MACF1: variants seen among roughly 807,000 people sequenced by gnomAD.
MACF1 encodes microtubule-actin cross-linking factor 1.
A neutral mutation model predicts 854.8 loss-of-function variants in MACF1; 193 were observed. That is an observed-to-expected ratio of 0.23 (90% CI 0.20 to 0.25). MACF1 has a LOEUF of 0.25. Ranked by LOEUF, MACF1 falls within the 10% of genes least tolerant of loss-of-function variation. The pLI is 1.00. For synonymous variants in MACF1, 3,185 were observed against 3,226.7 expected, an observed-to-expected ratio of 0.99 and a Z score of 0.44; for missense variants, 7,722 against 8,929.1, an observed-to-expected ratio of 0.86 and a Z score of 5.45.
intron 6 of MACF1, among the ~76,000 whole-genome samples, chr1:39,259,816 C>G (rs551469756): frequency 1.3e-5 from 2 of 152,052 alleles, no homozygotes; most frequent in East Asian, 3.9e-4. Flanking sequence ...CAGGGTTTCT[C>G]CATGTTGGTC....
chr1:39,336,486 A>C lies in MACF1; in HGVS notation c.9898A>C (p.Ser3300Arg). The C allele has an allele frequency of 6.2e-7, 1 of 1,614,220 alleles. No individual in the cohort carries two copies. Among genetic ancestry groups the C allele is most frequent in the Non-Finnish European group, 8.5e-7 (1 of 1,180,036 alleles). The change falls in exon 37 of 101, where the codon AGT becomes CGT. Residue 3300 changes from serine (S) to arginine (R), a missense_variant. This residue lies in a region of MACF1 where 854 missense variants were observed against 852.6 expected (regional missense o/e 1.00). Transcript: ENST00000564288. ...CATTAGTCCTACTGTTCTAGAGACC[A>C]GTGAAGAAAAGACAGTGTCCCTAAC... ...AIISPTVLET[S>R]EEKTVSLTVC...
chr1:39,323,336 A>T (rs1009722060), intron 33 of MACF1, among the ~76,000 whole-genome samples: 1 of 152,030 alleles, frequency 6.6e-6, no homozygotes, highest in East Asian at 1.9e-4. Flanking sequence ...CTGTCTCAAA[A>T]AAAAGCCCAA....
At chr1:39,085,517 T>C (rs1641649202) in intron 2 of MACF1, among the ~76,000 whole-genome samples, 1 of 152,186 alleles carries the variant, frequency 6.6e-6, no homozygotes, top group Non-Finnish European at 1.5e-5. Flanking sequence ...ACCTGGACCT[T>C]CCAATGAGCA....
chr1:39,136,064 T>TAC (rs1292600458), intron 2 of MACF1, among the ~76,000 whole-genome samples: 1 of 152,164 alleles, frequency 6.6e-6, no homozygotes, highest in East Asian at 1.9e-4. Context: ...CATACATATG[T>TAC]ACACACACAC....
At chr1:39,393,339 C>T (rs984247783) in intron 58 of MACF1, among the ~76,000 whole-genome samples, 3 of 151,570 alleles carry the variant, frequency 2.0e-5, no homozygotes, top group African/African-American at 7.3e-5. Context: ...GCCCCCTGCT[C>T]CCCGCAAGAA....
intron 46 of MACF1, 22 bp from the exon 47 acceptor site, chr1:39,359,119 T>C: frequency 6.2e-7 from 1 of 1,613,732 alleles, no homozygotes; most frequent in Non-Finnish European, 8.5e-7. Flanking sequence ...GTTTTTCTTT[T>C]GTTTTTTTCA....
At chr1:39,155,230 G>A (rs1643659726) in intron 2 of MACF1, among the ~76,000 whole-genome samples, 1 of 152,044 alleles carries the variant, frequency 6.6e-6, no homozygotes, top group Non-Finnish European at 1.5e-5. Context: ...AAACATCCTT[G>A]TTTTTGTTTA....
Position 39,318,439 on chromosome 1 carries a change from CT to C in MACF1, c.3783-11del. The C allele has an allele frequency of 6.2e-7, 1 of 1,611,694 alleles. No homozygotes were observed. Among genetic ancestry groups the C allele is most frequent in the Non-Finnish European group, 8.5e-7 (1 of 1,178,878 alleles). ...ACCAAGGTATCTGATAGCAGTTTCCCTTTGTTCTTCTAGCCAATCTGAGCTA... is the reference window on the plus strand; with the variant it reads ...ACCAAGGTATCTGATAGCAGTTTCCCTTGTTCTTCTAGCCAATCTGAGCTA... On this transcript the variant is annotated splice_polypyrimidine_tract_variant and intron_variant, in intron 29 of 100. Coordinates refer to ENST00000564288, the MANE Select transcript of MACF1 (RefSeq NM_001394062.1).
At chr1:39,085,898 T>C (rs961298960) in intron 2 of MACF1, among the ~76,000 whole-genome samples, 1 of 152,154 alleles carries the variant, frequency 6.6e-6, no homozygotes, top group Non-Finnish European at 1.5e-5. Context: ...CACCACACTT[T>C]AATTTTCTTC....
chr1:39,215,969 G>A (rs1644573125), intron 1 of MACF1, among the ~76,000 whole-genome samples: 1 of 152,150 alleles, frequency 6.6e-6, no homozygotes, highest in African/African-American at 2.4e-5. Context: ...GAAGAGTCAT[G>A]TTAGCTGTGA....
At chr1:39,268,902 G>A in intron 6 of MACF1, 2 of 1,288,674 alleles carry the variant, frequency 1.6e-6, no homozygotes, top group Non-Finnish European at 2.0e-6. Flanking sequence ...GAAGTTAACA[G>A]AGAGTCTCCA....
intron 2 of MACF1, among the ~76,000 whole-genome samples, chr1:39,128,804 T>C (rs1426278357): frequency 1.3e-5 from 2 of 152,374 alleles, no homozygotes; most frequent in South Asian, 2.1e-4. Context: ...TCCTCCCTTT[T>C]ACATTAATCC....
chr1:39,412,471 C>T (rs367871192), intron 58 of MACF1: 80 of 1,613,892 alleles, frequency 5.0e-5, no homozygotes, highest in Non-Finnish European at 6.5e-5. Flanking sequence ...GGATCAAGCT[C>T]CAGCACATTT....
chr1:39,177,610 C>T (rs1032159067), intron 2 of MACF1, among the ~76,000 whole-genome samples: 1 of 151,906 alleles, frequency 6.6e-6, no homozygotes, highest in Non-Finnish European at 1.5e-5. Flanking sequence ...TGGGGGCAGG[C>T]GTATTTGTGT....
chr1:39,358,926 G>A (rs1351294811), intron 46 of MACF1, 53 bp downstream of exon 46: 23 of 1,543,338 alleles, frequency 1.5e-5, no homozygotes, highest in South Asian at 2.5e-5. Context: ...ATTCCATGGC[G>A]TAAAGTACCC....
intron 58 of MACF1, chr1:39,410,095 C>A (rs1260897193): frequency 2.0e-6 from 1 of 505,872 alleles, no homozygotes; most frequent in Non-Finnish European, 3.5e-6. Context: ...CTTAGAGCTT[C>A]TCCCAGAATG....
At chr1:39,444,870 C>T in intron 80 of MACF1, 35 bp downstream of exon 80, 1 of 1,523,086 alleles carries the variant, frequency 6.6e-7, no homozygotes, top group Non-Finnish European at 8.9e-7. Context: ...GAGTAATTTG[C>T]TGAGTGATTG....
In MACF1 at chr1:39,335,145, C is replaced by CG; in HGVS notation, c.8558dup (p.Lys2854Ter). Reference sequence around the variant, plus strand: ...AAAGGAATTTGGGTGCAAGGATCAACGTAAGCCAAGAATGTCTTCAGATGC... The same window carrying CG: ...AAAGGAATTTGGGTGCAAGGATCAACGGTAAGCCAAGAATGTCTTCAGATGC... On this transcript the variant is annotated frameshift_variant, in exon 37 of 101. Transcript: ENST00000564288. LOFTEE classifies it high-confidence loss of function. The CG allele has an allele frequency of 6.2e-7, 1 of 1,614,030 alleles. No homozygotes were observed. Among genetic ancestry groups the CG allele is most frequent in the Non-Finnish European group, 8.5e-7 (1 of 1,179,974 alleles).
At chr1:39,114,940 A>C (rs1642508154) in intron 2 of MACF1, among the ~76,000 whole-genome samples, 1 of 152,202 alleles carries the variant, frequency 6.6e-6, no homozygotes, top group Non-Finnish European at 1.5e-5. Context: ...CATTCTGGGC[A>C]GCATGAACAG....
Sources: gnomAD v4.1 joint callset for allele counts (sites outside exome capture counted in the v4.1 genomes callset) on GRCh38, gnomAD v4.1.1 for gene constraint, gnomAD v4.1.1 regional missense constraint, MANE v1.5 for transcripts, NCBI Gene and HGNC (gene_info 2026-07-23, HGNC 2026-07-21) for gene names.